Variants in EYS observed in about 807,000 individuals in gnomAD.
EYS encodes EGF-like photoreceptor maintenance factor, also known as protein eyes shut homolog.
A neutral mutation model predicts 282.1 loss-of-function variants in EYS; 250 were observed. That is an observed-to-expected ratio of 0.89 (90% CI 0.80 to 0.98). EYS has a LOEUF of 0.98. EYS is among the 50% of genes least tolerant of loss of function. EYS has a pLI of 0.00. For missense variants in EYS, 4,016 were observed against 3,709.0 expected (o/e 1.08, Z -2.15); for synonymous variants, 1,355 against 1,282.9 (o/e 1.06, Z -1.20).
chr6:65,012,024 C>A (rs1771889922), intron 13 of EYS, among the ~76,000 whole-genome samples: 1 of 152,104 alleles, frequency 6.6e-6, no homozygotes, highest in South Asian at 2.1e-4. Context: ...CTTTCTGGTA[C>A]CCTGGAGGTT....
At chr6:65,487,940 A>T (rs1212158610) in intron 5 of EYS, among the ~76,000 whole-genome samples, 1 of 152,062 alleles carries the variant, frequency 6.6e-6, no homozygotes, top group Non-Finnish European at 1.5e-5. Flanking sequence ...CATTTCTTCT[A>T]TATTTTCTAG....
At chr6:64,713,518 C>A (rs1771276863) in intron 22 of EYS, among the ~76,000 whole-genome samples, 1 of 152,128 alleles carries the variant, frequency 6.6e-6, no homozygotes, top group Non-Finnish European at 1.5e-5. Flanking sequence ...TTATAAAAGT[C>A]TAGGTGTTAA....
chr6:64,081,800 G>T (rs1278687562), intron 32 of EYS, 56 bp downstream of exon 32: 2 of 1,292,534 alleles, frequency 1.5e-6, no homozygotes, highest in Non-Finnish European at 1.1e-6. Context: ...TGATTCAATA[G>T]ATCAACGTTT....
chr6:64,973,287 G>A (rs1472568205), intron 14 of EYS, among the ~76,000 whole-genome samples: 1 of 151,888 alleles, frequency 6.6e-6, no homozygotes, highest in African/African-American at 2.4e-5. Context: ...TATGTACTAG[G>A]CACTAGCCAC....
intron 12 of EYS, among the ~76,000 whole-genome samples, chr6:65,227,730 T>C (rs890302270): frequency 3.3e-5 from 5 of 152,154 alleles, no homozygotes; most frequent in Non-Finnish European, 7.4e-5. Flanking sequence ...AAATGGAATA[T>C]TATTCAATCT....
At position 64,066,757 on chromosome 6, in the gene EYS, A is replaced by G. The variant is rs544367141; in HGVS notation, c.6572-266T>C. On this transcript the variant is annotated intron_variant, in intron 32 of 42. Coordinates refer to ENST00000503581, the MANE Select transcript of EYS (RefSeq NM_001142800.2). ...ACCTAGTAGCTAGATGTCCTTAACT[A>G]TTTTAAACCTGTTTCCCCATATGTT... is the stretch of plus-strand genomic sequence containing the variant. 1.6e-3 allele frequency among the ~76,000 whole-genome samples: 251 copies of G among 152,252 alleles called. 2 individuals are homozygous for G. Among genetic ancestry groups the G allele is most frequent in the Non-Finnish European group, 2.7e-3 (183 of 68,004 alleles).
intron 41 of EYS, among the ~76,000 whole-genome samples, chr6:63,757,984 T>C (rs1769534085): frequency 6.6e-6 from 1 of 152,196 alleles, no homozygotes; most frequent in African/African-American, 2.4e-5. Context: ...CACTGTGACC[T>C]TGAATTGTGG....
intron 33 of EYS, among the ~76,000 whole-genome samples, chr6:64,024,412 G>C (rs1306245021): frequency 6.6e-6 from 1 of 152,030 alleles, no homozygotes; most frequent in Non-Finnish European, 1.5e-5. Flanking sequence ...TCTAGCTCAG[G>C]GATTGTAAAC....
intron 22 of EYS, among the ~76,000 whole-genome samples, chr6:64,663,868 T>C (rs1583014601): frequency 6.6e-6 from 1 of 152,192 alleles, no homozygotes; most frequent in East Asian, 1.9e-4. Context: ...ATAGCTCTAT[T>C]AGAAGCCCTG....
chr6:64,161,869 C>A (rs1775117495), intron 31 of EYS, among the ~76,000 whole-genome samples: 1 of 152,008 alleles, frequency 6.6e-6, no homozygotes, highest in African/African-American at 2.4e-5. Context: ...ATTTCTAGAT[C>A]GATTTTCAGG....
chr6:65,157,293 T>A (rs2150219166), intron 12 of EYS, among the ~76,000 whole-genome samples: 1 of 151,090 alleles, frequency 6.6e-6, no homozygotes, highest in African/African-American at 2.4e-5. Flanking sequence ...ATGTAAACGA[T>A]ACATTAGGTC....
chr6:63,962,973 G>A (rs1004985759), intron 35 of EYS, among the ~76,000 whole-genome samples: 15 of 152,078 alleles, frequency 9.9e-5, no homozygotes, highest in African/African-American at 2.4e-4. Context: ...CATGGATGAA[G>A]CTGGAAACCA....
At chr6:64,885,864 C>T (rs894040165) in intron 19 of EYS, among the ~76,000 whole-genome samples, 6 of 151,580 alleles carry the variant, frequency 4.0e-5, no homozygotes, top group African/African-American at 1.5e-4. Flanking sequence ...ATATAATTTC[C>T]ATGTGTCTAG....
At chr6:63,972,717 T>A (rs9450476) in intron 35 of EYS, among the ~76,000 whole-genome samples, 5 of 152,042 alleles carry the variant, frequency 3.3e-5, no homozygotes, top group African/African-American at 1.2e-4. Context: ...CAGGCCCCGG[T>A]GTGTGCTGTT....
intron 34 of EYS, among the ~76,000 whole-genome samples, chr6:63,986,727 T>C (rs1767385110): frequency 6.6e-6 from 1 of 151,676 alleles, no homozygotes; most frequent in Non-Finnish European, 1.5e-5. Context: ...AGCTAAATGA[T>C]GGGAGCTTAT....
intron 19 of EYS, among the ~76,000 whole-genome samples, chr6:64,859,234 T>A: frequency 6.8e-6 from 1 of 147,754 alleles, no homozygotes; most frequent in African/African-American, 2.4e-5. Context: ...ATATTTATAT[T>A]TATTAAATAT....
chr6:64,498,922 A>ATG (rs1443963593), intron 26 of EYS, among the ~76,000 whole-genome samples: 1 of 152,134 alleles, frequency 6.6e-6, no homozygotes, highest in Non-Finnish European at 1.5e-5. Context: ...TGCAATAAAC[A>ATG]CGTGTGCATG....
intron 41 of EYS, among the ~76,000 whole-genome samples, chr6:63,751,026 A>G (rs1227730228): frequency 6.6e-6 from 1 of 152,140 alleles, no homozygotes; most frequent in East Asian, 1.9e-4. Flanking sequence ...TGATTATTTC[A>G]GCACATCTAT....
chr6:64,142,120 A>G (rs1273420785), intron 31 of EYS, among the ~76,000 whole-genome samples: 1 of 152,074 alleles, frequency 6.6e-6, no homozygotes, highest in Non-Finnish European at 1.5e-5. Flanking sequence ...AGAGAAAAAG[A>G]TCTTCCTCAA....
Sources: allele counts gnomAD v4.1 joint callset (sites outside exome capture counted in the v4.1 genomes callset), GRCh38; gene constraint gnomAD v4.1.1; transcripts MANE v1.5; gene names NCBI Gene and HGNC (gene_info 2026-07-23, HGNC 2026-07-21).